The following CREB5 variants were observed in gnomAD, a reference collection of about 807,000 sequenced individuals.
The protein encoded by CREB5 is cAMP responsive element binding protein 5.
Under a neutral mutation model 57.1 loss-of-function variants are expected in CREB5, and 19 were observed. The observed-to-expected ratio is 0.33, with a 90% CI of 0.23 to 0.49. CREB5 has a LOEUF of 0.49. Among genes scored for constraint, CREB5 ranks in the 20% least tolerant of loss-of-function variants. CREB5 has a pLI of 0.99. For missense variants in CREB5, 579 were observed against 671.6 expected (o/e 0.86, Z 1.52); for synonymous variants, 238 against 238.3 (o/e 1.00, Z 0.01).
intron 1 of CREB5, among the ~76,000 whole-genome samples, chr7:28,470,306 A>G (rs1307782182): frequency 1.3e-5 from 2 of 152,188 alleles, no homozygotes; most frequent in East Asian, 3.9e-4. Flanking sequence ...GATCCCATGA[A>G]GAAGAGAGAA....
At position 28,818,190 on chromosome 7, in the gene CREB5, G is replaced by A. The variant is rs373848932; in HGVS notation, c.1363+11G>A. On this transcript the variant is annotated intron_variant, in intron 10 of 10. Coordinates refer to ENST00000357727, the MANE Select transcript of CREB5 (RefSeq NM_182898.4). ...CACAAGGATATCTAAGTAAGTCGCCGACTTTTTCACTTTTCTTTAGTGTCC... is the reference window on the plus strand; with the variant it reads ...CACAAGGATATCTAAGTAAGTCGCCAACTTTTTCACTTTTCTTTAGTGTCC... 158 of 1,593,416 alleles carry A rather than the reference G, an allele frequency of 9.9e-5. No homozygotes were observed. In the African/African-American group the frequency reaches 1.6e-3, roughly 16 times the overall value.
chr7:28,477,279 C>T (rs1173022100), intron 1 of CREB5, among the ~76,000 whole-genome samples: 1 of 152,104 alleles, frequency 6.6e-6, no homozygotes, highest in African/African-American at 2.4e-5. Context: ...TTTCCCTTCC[C>T]CTTTCTTCAG....
At chr7:28,477,278 C>T (rs1050050321) in intron 1 of CREB5, among the ~76,000 whole-genome samples, 1 of 152,110 alleles carries the variant, frequency 6.6e-6, no homozygotes, top group African/African-American at 2.4e-5. Flanking sequence ...TTTTCCCTTC[C>T]CCTTTCTTCA....
At chr7:28,377,907 G>A (rs1348500233) in intron 1 of CREB5, among the ~76,000 whole-genome samples, 2 of 141,154 alleles carry the variant, frequency 1.4e-5, no homozygotes. Context: ...ACTCCAGCCT[G>A]GGAGACAGAG....
chr7:28,464,712 A>T (rs59522659), intron 1 of CREB5, among the ~76,000 whole-genome samples: 2,271 of 141,614 alleles, frequency 0.016, 40 homozygotes, highest in African/African-American at 0.048. Context: ...GTTATTTTTA[A>T]AAAAAAAAAA....
At chr7:28,453,568 G>GT (rs1198582127) in intron 1 of CREB5, among the ~76,000 whole-genome samples, 5 of 152,264 alleles carry the variant, frequency 3.3e-5, no homozygotes, top group African/African-American at 1.2e-4. Flanking sequence ...AAGCAGGTGA[G>GT]TGCAAGGCAC....
At chr7:28,576,614 C>CT (rs1389502971) in intron 5 of CREB5, among the ~76,000 whole-genome samples, 2 of 152,228 alleles carry the variant, frequency 1.3e-5, no homozygotes, top group Non-Finnish European at 2.9e-5. Context: ...TGTAAGAAAA[C>CT]TATAGCATCA....
intron 5 of CREB5, among the ~76,000 whole-genome samples, chr7:28,599,797 CGTT>C (rs1416346130): frequency 6.6e-6 from 1 of 151,710 alleles, no homozygotes; most frequent in East Asian, 1.9e-4. Context: ...CTCATCATCA[CGTT>C]GTCCTTTTAC....
intron 5 of CREB5, among the ~76,000 whole-genome samples, chr7:28,714,134 A>G (rs1049929504): frequency 6.6e-5 from 10 of 150,812 alleles, no homozygotes; most frequent in Admixed American, 6.6e-4. Context: ...GTTTTTGTGT[A>G]TTTTTCTTTT....
chr7:28,809,206 A>G lies in CREB5; in HGVS notation c.1046A>G (p.Gln349Arg). The G allele has an allele frequency of 6.2e-7, 1 of 1,613,174 alleles. No homozygotes were observed. Among genetic ancestry groups the G allele is most frequent in the Non-Finnish European group, 8.5e-7 (1 of 1,179,460 alleles). ...NQAQVSPATQ[Q>R]MQPTQTIQPP... ...CAGCAGGTTTCACCAGCAACACAAC[A>G]GATGCAGCCAACCCAGACAATACAG... Residue 349 changes from glutamine to arginine, a missense_variant, in exon 9 of 11, where the codon CAG becomes CGG. By Grantham distance (43) the Gln-to-Arg change is conservative (BLOSUM62 1). Transcript: ENST00000357727.
intron 1 of CREB5, among the ~76,000 whole-genome samples, chr7:28,406,312 CA>C (rs1787578167): frequency 6.6e-6 from 1 of 152,202 alleles, no homozygotes; most frequent in South Asian, 2.1e-4. Context: ...CTCTCCCTTC[CA>C]CTGCCCAGGA....
intron 7 of CREB5, among the ~76,000 whole-genome samples, chr7:28,798,566 G>A (rs1310140680): frequency 1.3e-5 from 2 of 152,186 alleles, no homozygotes; most frequent in African/African-American, 4.8e-5. Context: ...GGGAGGAGGC[G>A]AATAGTTGGT....
At chr7:28,764,490 C>T (rs991196491) in intron 7 of CREB5, among the ~76,000 whole-genome samples, 5 of 151,926 alleles carry the variant, frequency 3.3e-5, no homozygotes, top group Non-Finnish European at 5.9e-5. Context: ...AAACTAAAAC[C>T]GGAGAGTTTA....
intron 5 of CREB5, among the ~76,000 whole-genome samples, chr7:28,715,195 T>C (rs1452593778): frequency 6.6e-6 from 1 of 152,138 alleles, no homozygotes; most frequent in Non-Finnish European, 1.5e-5. Context: ...TTTTTTAACA[T>C]AAAAAATCAA....
chr7:28,728,836 G>T (rs539533043), intron 7 of CREB5, among the ~76,000 whole-genome samples: 2 of 152,286 alleles, frequency 1.3e-5, no homozygotes, highest in East Asian at 3.9e-4. Context: ...TGAATTCTAA[G>T]CTAAGTAATC....
intron 9 of CREB5, among the ~76,000 whole-genome samples, chr7:28,813,368 G>A (rs771484817): frequency 6.6e-6 from 1 of 152,182 alleles, no homozygotes; most frequent in Non-Finnish European, 1.5e-5. Flanking sequence ...AAATCATCTG[G>A]TCACCCATGG....
chr7:28,768,602 AC>A (rs1299216945), intron 7 of CREB5, among the ~76,000 whole-genome samples: 1 of 152,156 alleles, frequency 6.6e-6, no homozygotes, highest in Admixed American at 6.5e-5. Flanking sequence ...TAAAATGGCA[AC>A]CTTTTGAAGG....
intron 1 of CREB5, among the ~76,000 whole-genome samples, chr7:28,368,175 T>G (rs901754526): frequency 6.6e-6 from 1 of 152,176 alleles, no homozygotes; most frequent in Admixed American, 6.5e-5. Flanking sequence ...TTCTCACTTA[T>G]AAGTGGGGGC....
At chr7:28,644,743 C>G (rs776874012) in intron 5 of CREB5, among the ~76,000 whole-genome samples, 3 of 151,994 alleles carry the variant, frequency 2.0e-5, no homozygotes, top group African/African-American at 7.3e-5. Flanking sequence ...TAGATTTTTT[C>G]TCTATTAAAA....
Sources: gnomAD v4.1 joint callset for allele counts (sites outside exome capture counted in the v4.1 genomes callset) on GRCh38, gnomAD v4.1.1 for gene constraint, MANE v1.5 for transcripts, NCBI Gene and HGNC (gene_info 2026-07-23, HGNC 2026-07-21) for gene names.